EFR3B: variants seen among roughly 807,000 people sequenced by gnomAD.
EFR3B encodes EFR3 homolog B, also known as protein EFR3 homolog B.
A neutral mutation model predicts 104.7 loss-of-function variants in EFR3B; 64 were observed. The observed-to-expected ratio is 0.61, with a 90% CI of 0.50 to 0.75. EFR3B has a LOEUF of 0.75. EFR3B is among the 30% of genes least tolerant of loss of function. EFR3B has a pLI of 0.00. For synonymous variants in EFR3B, 385 were observed against 417.9 expected, an observed-to-expected ratio of 0.92 and a Z score of 0.96; for missense variants, 750 against 1,078.5, an observed-to-expected ratio of 0.70 and a Z score of 4.27.
intron 3 of EFR3B, among the ~76,000 whole-genome samples, chr2:25,102,545 A>G (rs1240480267): frequency 6.6e-6 from 1 of 152,176 alleles, no homozygotes; most frequent in Non-Finnish European, 1.5e-5. Context: ...TAAAACCATC[A>G]GATCTCATGA....
chr2:25,135,747 G>C, intron 13 of EFR3B, 108 bp downstream of exon 13: 3 of 1,274,270 alleles, frequency 2.4e-6, no homozygotes, highest in Non-Finnish European at 3.2e-6. Flanking sequence ...CTCAGTATCT[G>C]AGTATTGTGG....
chr2:25,069,043 C>T (rs1291863849), intron 1 of EFR3B, among the ~76,000 whole-genome samples: 2 of 151,118 alleles, frequency 1.3e-5, no homozygotes, highest in African/African-American at 4.9e-5. Context: ...AAGTGATTCT[C>T]CTGCCTCAGC....
At chr2:25,074,534 C>T (rs1668583089) in intron 1 of EFR3B, among the ~76,000 whole-genome samples, 1 of 150,932 alleles carries the variant, frequency 6.6e-6, no homozygotes, top group Non-Finnish European at 1.5e-5. Context: ...CACTGCACTC[C>T]AGTCTGAGTG....
rs375645923 is a variant in EFR3B, at chr2:25,119,505, C to T, written c.364-2168C>T. On this transcript the variant is annotated intron_variant, in intron 4 of 22. Transcript: ENST00000403714. ...TTATGAAGGCCAGGCAGCCGAAGGCCGACTTCAGCCTTCTTTCTGGAACTC... is the reference window on the plus strand; with the variant it reads ...TTATGAAGGCCAGGCAGCCGAAGGCTGACTTCAGCCTTCTTTCTGGAACTC... 1.0e-3 allele frequency among the ~76,000 whole-genome samples: 152 copies of T among 152,356 alleles called. 1 individual carries two copies. Among genetic ancestry groups the T allele is most frequent in the African/African-American group, 3.4e-3 (142 of 41,582 alleles).
At chr2:25,152,968 C>A (rs1157703388) in intron 21 of EFR3B, among the ~76,000 whole-genome samples, 1 of 152,138 alleles carries the variant, frequency 6.6e-6, no homozygotes, top group Non-Finnish European at 1.5e-5. Context: ...CAGTCCCACT[C>A]TCTGCATTCA....
chr2:25,079,783 T>G, intron 1 of EFR3B: 2 of 636,524 alleles, frequency 3.1e-6, no homozygotes, highest in Non-Finnish European at 6.0e-6. Flanking sequence ...TTTAAAAGTT[T>G]GTATACCTAC....
chr2:25,082,002 C>T (rs1429735313), intron 1 of EFR3B, among the ~76,000 whole-genome samples: 1 of 152,164 alleles, frequency 6.6e-6, no homozygotes, highest in Non-Finnish European at 1.5e-5. Flanking sequence ...CAAACAGGAT[C>T]CAGCAAGCAG....
intron 1 of EFR3B, among the ~76,000 whole-genome samples, chr2:25,090,694 A>G (rs1669087706): frequency 6.6e-6 from 1 of 152,230 alleles, no homozygotes; most frequent in African/African-American, 2.4e-5. Flanking sequence ...TGCATCGTCA[A>G]ATGTGAATCG....
Position 25,130,433 on chromosome 2 carries a change from C to T in EFR3B, c.771-119C>T, listed in dbSNP as rs1322131380. ...CCCAAGGCCCTTCAGGCTTCACTTC[C>T]TCACCCGGGAACTGTGCGAGGGGCT... On this transcript the variant is annotated intron_variant, in intron 7 of 22. Coordinates refer to ENST00000403714, the MANE Select transcript of EFR3B (RefSeq NM_014971.2). The surrounding 1 kb of genome is among the most constrained non-coding windows in gnomAD (Gnocchi z 4.6). 8 of 965,906 alleles carry T rather than the reference C, an allele frequency of 8.3e-6. No individual in the cohort carries two copies. The African/African-American group carries it at 1.1e-4, about 14-fold the overall frequency. 59.8% of individuals were successfully genotyped at this position (965,906 alleles called of 1,614,324 possible).
At chr2:25,121,304 C>T (rs565842626) in intron 4 of EFR3B, among the ~76,000 whole-genome samples, 32 of 152,290 alleles carry the variant, frequency 2.1e-4, no homozygotes, top group Non-Finnish European at 4.3e-4. Context: ...CCTGCTTCGT[C>T]GCTGGCTTTC....
chr2:25,082,154 G>C (rs1668826908), intron 1 of EFR3B, among the ~76,000 whole-genome samples: 1 of 152,260 alleles, frequency 6.6e-6, no homozygotes, highest in South Asian at 2.1e-4. Context: ...GACAGGCAAG[G>C]ACCTTGTGGC....
chr2:25,097,863 T>C (rs1362538699), intron 3 of EFR3B, among the ~76,000 whole-genome samples: 2 of 151,964 alleles, frequency 1.3e-5, no homozygotes, highest in African/African-American at 4.8e-5. Context: ...CCCCTGAGCA[T>C]TGATGGGTGC....
chr2:25,066,955 TG>T (rs1668352241), intron 1 of EFR3B, among the ~76,000 whole-genome samples: 1 of 152,216 alleles, frequency 6.6e-6, no homozygotes, highest in Admixed American at 6.5e-5. Context: ...CATCAGATTT[TG>T]TGAGGAGTTT....
chr2:25,158,650 T>G lies in EFR3B; in HGVS notation c.*4310T>G, dbSNP rs930686879. On this transcript the variant is annotated 3_prime_UTR_variant, in exon 23 of 23. Coordinates refer to ENST00000403714, the MANE Select transcript of EFR3B (RefSeq NM_014971.2). ...TGCTGGGGCCAAAGGCAGTTTTCTG[T>G]GCTCCCTTTAGCCCCAGCCTGGCTG... The G allele has an allele frequency of 6.6e-6, 1 of 152,246 alleles. No individual in the cohort carries two copies. The highest frequency in any genetic ancestry group is 1.5e-5 in the Non-Finnish European group (1 of 68,098). The allele number at this position is 152,246 out of a possible 1,614,324, so 9.4% of individuals were successfully genotyped here.
At chr2:25,108,302 C>T (rs2149194103) in intron 4 of EFR3B, among the ~76,000 whole-genome samples, 1 of 152,220 alleles carries the variant, frequency 6.6e-6, no homozygotes, top group Middle Eastern at 3.4e-3. Context: ...GGTCCAGATG[C>T]ATGTCTTGGG....
intron 12 of EFR3B, among the ~76,000 whole-genome samples, chr2:25,133,789 C>T (rs1670447325): frequency 6.6e-6 from 1 of 152,202 alleles, no homozygotes; most frequent in South Asian, 2.1e-4. Flanking sequence ...CTCTGTGTCC[C>T]CTGTTTTGCC....
Position 25,137,326 on chromosome 2 carries a change from C to T in EFR3B, c.1561-15C>T, listed in dbSNP as rs779535477. 28 of 1,551,894 alleles carry T rather than the reference C, an allele frequency of 1.8e-5. No individual in the cohort carries two copies. Among genetic ancestry groups the T allele is most frequent in the Middle Eastern group, 1.7e-4 (1 of 6,014 alleles). On this transcript the variant is annotated splice_polypyrimidine_tract_variant and intron_variant, in intron 14 of 22. Coordinates refer to ENST00000403714, the MANE Select transcript of EFR3B (RefSeq NM_014971.2). The surrounding 1 kb of genome is among the most constrained non-coding windows in gnomAD (Gnocchi z 4.7). The stretch of plus-strand genomic sequence containing the variant: ...ATCCCTCCGACCCTGGCCTTCTGCC[C>T]GCTCCTGTCCCCAGCACTCCCAGCA...
rs1053860845 is a variant in EFR3B at position 25,130,027 on chromosome 2, G to A, written c.688G>A (p.Glu230Lys). 2.6e-6 allele frequency: 4 copies of A among 1,551,764 alleles called. No individual in the cohort carries two copies. Among genetic ancestry groups the A allele is most frequent in the Admixed American group, 3.9e-5 (2 of 51,010 alleles). The change falls in exon 7 of 23, where the codon GAG becomes AAG. Residue 230 changes from glutamate to lysine, a missense_variant. Transcript: ENST00000403714. This position sits in a 1 kb window ranked among gnomAD's most constrained non-coding sequence, Gnocchi z 4.6. ...TGAGAAGGAGAAAGAGAGCCCCGCG[G>A]AGCTGGCTGAGAGGTGTCTTCGGGA... is the stretch of plus-strand genomic sequence containing the variant. ...APEKEKESPA[E>K]LAERCLRELL...
chr2:25,069,850 C>T (rs1668445713), intron 1 of EFR3B, among the ~76,000 whole-genome samples: 1 of 152,178 alleles, frequency 6.6e-6, no homozygotes, highest in African/African-American at 2.4e-5. Flanking sequence ...GCATGCGCCA[C>T]CACGCCTGGC....
Sources: gnomAD v4.1 joint callset for allele counts (sites outside exome capture counted in the v4.1 genomes callset) on GRCh38, gnomAD v4.1.1 for gene constraint, Gnocchi (gnomAD v3.1) non-coding constraint, MANE v1.5 for transcripts, NCBI Gene and HGNC (gene_info 2026-07-23, HGNC 2026-07-21) for gene names.